FGF12: variants seen among roughly 807,000 people sequenced by gnomAD.
The protein encoded by FGF12 is fibroblast growth factor 12.
Under a neutral mutation model 23.6 loss-of-function variants are expected in FGF12, and 14 were observed. The ratio of observed to expected loss-of-function variants is 0.59; its 90% confidence interval spans 0.39 to 0.93. The LOEUF (loss-of-function observed/expected upper bound fraction) is 0.93. Ranked by LOEUF, FGF12 falls within the 40% of genes least tolerant of loss-of-function variation. The pLI is 0.00. For missense variants in FGF12, 175 were observed against 217.8 expected (o/e 0.80, Z 1.24); for synonymous variants, 62 against 77.3 (o/e 0.80, Z 1.04).
At chr3:192,493,168 GTCTC>G in intron 2 of FGF12, among the ~76,000 whole-genome samples, 1 of 151,994 alleles carries the variant, frequency 6.6e-6, no homozygotes, top group East Asian at 1.9e-4. Context: ...GGAGTCCAGG[GTCTC>G]AGTCTAGGTG....
intron 2 of FGF12, among the ~76,000 whole-genome samples, chr3:192,388,278 A>C (rs571809119): frequency 6.6e-6 from 1 of 152,306 alleles, no homozygotes; most frequent in African/African-American, 2.4e-5. Flanking sequence ...AATAACAATA[A>C]TACATAAAAC....
chr3:192,362,186 T>C (rs527494771), intron 2 of FGF12, among the ~76,000 whole-genome samples: 1 of 152,258 alleles, frequency 6.6e-6, no homozygotes, highest in African/African-American at 2.4e-5. Context: ...CCCACAACTA[T>C]GGACAAGTCA....
At chr3:192,543,126 C>T (rs751897850) in intron 2 of FGF12, among the ~76,000 whole-genome samples, 48 of 133,172 alleles carry the variant, frequency 3.6e-4, no homozygotes, top group Non-Finnish European at 4.1e-4. Context: ...TCACGTCTAG[C>T]GATGTTTTTC....
rs1553849219 is a variant in FGF12, at chr3:192,719,802, A to AAAAAAAAAAAC, written c.13+7378_13+7379insGTTTTTTTTTT. Among the ~76,000 whole-genome samples the AAAAAAAAAAAC allele has an allele frequency of 4.3e-5, 6 of 138,968 alleles. No individual in the cohort carries two copies. The East Asian group carries it at 6.8e-4, about 16-fold the overall frequency. The allele number at this position is 138,968 out of a possible 152,430, so 91.2% of individuals were successfully genotyped here. A position where few individuals can be genotyped will look rare whatever the true frequency, so the allele number is the denominator to read the frequency against. On this transcript the variant is annotated intron_variant, in intron 2 of 5. Coordinates refer to ENST00000445105, the MANE Select transcript of FGF12 (RefSeq NM_004113.6). ...GACTAAGGGCAAAAAAAAAAAAAAA[A>AAAAAAAAAAAC]AAGAAAAACAAGAAAAACAACCCAA...
At chr3:192,308,923 C>A (rs1008741852) in intron 4 of FGF12, among the ~76,000 whole-genome samples, 1 of 152,140 alleles carries the variant, frequency 6.6e-6, no homozygotes, top group African/African-American at 2.4e-5. Context: ...TCTGTACCCA[C>A]TTACTTTTCC....
intron 2 of FGF12, among the ~76,000 whole-genome samples, chr3:192,559,626 T>C (rs976537003): frequency 6.6e-6 from 1 of 151,736 alleles, no homozygotes. Context: ...GCACATGTAC[T>C]CTAAAACTTA....
At chr3:192,453,704 G>GACTC (rs1305580615) in intron 2 of FGF12, among the ~76,000 whole-genome samples, 2 of 152,118 alleles carry the variant, frequency 1.3e-5, no homozygotes, top group Non-Finnish European at 2.9e-5. Flanking sequence ...TTTATTGGGG[G>GACTC]ATGAGGGGAT....
At chr3:192,495,514 C>G (rs754793165) in intron 2 of FGF12, among the ~76,000 whole-genome samples, 1 of 152,168 alleles carries the variant, frequency 6.6e-6, no homozygotes, top group Non-Finnish European at 1.5e-5. Flanking sequence ...GTGTTTTAGA[C>G]CTACTTGATC....
chr3:192,458,974 TCAG>T (rs946432227), intron 2 of FGF12, among the ~76,000 whole-genome samples: 20 of 152,212 alleles, frequency 1.3e-4, no homozygotes, highest in Non-Finnish European at 2.9e-4. Flanking sequence ...AATGGGTTTA[TCAG>T]GGGTTTCTGC....
chr3:192,432,720 G>A (rs1048197158), intron 2 of FGF12, among the ~76,000 whole-genome samples: 8 of 151,994 alleles, frequency 5.3e-5, no homozygotes, highest in Admixed American at 1.3e-4. Context: ...CCAGCAGCCC[G>A]AAAGAACTTG....
At chr3:192,459,675 A>T (rs1560117672) in intron 2 of FGF12, among the ~76,000 whole-genome samples, 1 of 152,212 alleles carries the variant, frequency 6.6e-6, no homozygotes, top group Non-Finnish European at 1.5e-5. Context: ...AATAGAATCA[A>T]ATTTAGAATG....
chr3:192,723,999 G>A (rs1719127035), intron 2 of FGF12, among the ~76,000 whole-genome samples: 1 of 123,654 alleles, frequency 8.1e-6, no homozygotes, highest in South Asian at 3.5e-4. Flanking sequence ...GAGGGAGGGG[G>A]AAGGAAGAAA....
intron 4 of FGF12, among the ~76,000 whole-genome samples, chr3:192,195,695 T>C (rs1717030025): frequency 6.6e-6 from 1 of 152,184 alleles, no homozygotes; most frequent in Non-Finnish European, 1.5e-5. Flanking sequence ...TGTATATACA[T>C]ATACACATTT....
At chr3:192,489,182 G>A (rs892255353) in intron 2 of FGF12, among the ~76,000 whole-genome samples, 70 of 151,738 alleles carry the variant, frequency 4.6e-4, no homozygotes, top group African/African-American at 1.6e-3. Context: ...TTTTAATCTC[G>A]TGATATCATT....
intron 4 of FGF12, among the ~76,000 whole-genome samples, chr3:192,266,517 G>A (rs926133898): frequency 6.6e-6 from 1 of 152,010 alleles, no homozygotes; most frequent in Admixed American, 6.6e-5. Flanking sequence ...ATATTAGACT[G>A]TCTAATTTAT....
At chr3:192,637,275 G>A (rs980381054) in intron 2 of FGF12, among the ~76,000 whole-genome samples, 5 of 152,106 alleles carry the variant, frequency 3.3e-5, no homozygotes, top group African/African-American at 1.2e-4. Context: ...GGCCACCGAC[G>A]TGCAGGCCGC....
chr3:192,448,945 C>T (rs545057358), intron 2 of FGF12, among the ~76,000 whole-genome samples: 63 of 152,342 alleles, frequency 4.1e-4, no homozygotes, highest in Admixed American at 8.5e-4. Flanking sequence ...TCTGATCCAA[C>T]TCTGGCACTG....
chr3:192,594,162 C>T (rs770764708), intron 2 of FGF12, among the ~76,000 whole-genome samples: 21 of 151,804 alleles, frequency 1.4e-4, no homozygotes, highest in Non-Finnish European at 2.1e-4. Context: ...GATAGTGAAA[C>T]ACGGGGTGCA....
rs532055123 is a variant in FGF12, at chr3:192,368,849, C to T, written c.14-8311G>A. Among the ~76,000 whole-genome samples the T allele has an allele frequency of 1.1e-4, 17 of 152,260 alleles. 1 individual carries two copies. In the South Asian group the frequency reaches 3.5e-3, roughly 32 times the overall value. ...CAGACCCTTTAATGAGAAAGTCTGC[C>T]AGCCCTTTCTCTACTTGCTTTCTCT... is the stretch of plus-strand genomic sequence containing the variant. On this transcript the variant is annotated intron_variant, in intron 2 of 5. Coordinates refer to ENST00000445105, the MANE Select transcript of FGF12 (RefSeq NM_004113.6).
Sources: gnomAD v4.1 joint callset for allele counts (sites outside exome capture counted in the v4.1 genomes callset) on GRCh38, gnomAD v4.1.1 for gene constraint, MANE v1.5 for transcripts, NCBI Gene and HGNC (gene_info 2026-07-23, HGNC 2026-07-21) for gene names.